Variants in NEGR1 observed in about 807,000 individuals in gnomAD.
NEGR1 encodes the protein IgLON family member 4.
In NEGR1, 10 loss-of-function variants were observed where a neutral mutation model predicts 40.9. That is an observed-to-expected ratio of 0.24 (90% CI 0.15 to 0.42). The LOEUF (loss-of-function observed/expected upper bound fraction) is 0.42, where lower values mean the gene tolerates loss of function less well. NEGR1 is among the 10% of genes least tolerant of loss of function. NEGR1 has a pLI of 1.00. For synonymous variants in NEGR1, 185 were observed against 166.8 expected (o/e 1.11, Z -0.84); for missense variants, 352 against 438.9 (o/e 0.80, Z 1.77).
chr1:71,859,974 A>G (rs1335312052), intron 2 of NEGR1, among the ~76,000 whole-genome samples: 1 of 152,082 alleles, frequency 6.6e-6, no homozygotes, highest in Non-Finnish European at 1.5e-5. Context: ...ACCATCTGCC[A>G]TACTCACAAT....
intron 1 of NEGR1, among the ~76,000 whole-genome samples, chr1:72,276,340 T>G (rs531527004): frequency 6.6e-6 from 1 of 152,136 alleles, no homozygotes; most frequent in African/African-American, 2.4e-5. Flanking sequence ...TAAAGAAAGA[T>G]CTTTAATTTT....
At chr1:71,456,589 CG>C (rs1033837659) in intron 6 of NEGR1, among the ~76,000 whole-genome samples, 1 of 152,112 alleles carries the variant, frequency 6.6e-6, no homozygotes, top group African/African-American at 2.4e-5. Flanking sequence ...TTTTCTTCCC[CG>C]CAATGGCTGG....
intron 1 of NEGR1, among the ~76,000 whole-genome samples, chr1:71,953,721 AC>A (rs2100279667): frequency 6.6e-6 from 1 of 152,006 alleles, no homozygotes; most frequent in South Asian, 2.1e-4. Context: ...TGCAACCACC[AC>A]TCTGACCAGT....
chr1:71,793,552 G>T (rs1657207471), intron 2 of NEGR1, among the ~76,000 whole-genome samples: 4 of 151,846 alleles, frequency 2.6e-5, no homozygotes, highest in Admixed American at 2.6e-4. Context: ...AAAATAAAAT[G>T]AGGAAAATAT....
At chr1:71,583,781 T>G (rs28462267) in intron 6 of NEGR1, among the ~76,000 whole-genome samples, 1 of 152,194 alleles carries the variant, frequency 6.6e-6, no homozygotes, top group Non-Finnish European at 1.5e-5. Flanking sequence ...TTAGAAAACT[T>G]GGAATTCATT....
At chr1:71,522,633 ATTAC>A (rs1044442644) in intron 6 of NEGR1, among the ~76,000 whole-genome samples, 2 of 151,712 alleles carry the variant, frequency 1.3e-5, no homozygotes, top group Non-Finnish European at 2.9e-5. Flanking sequence ...GTAATCAGAA[ATTAC>A]TTACTCATGG....
At chr1:71,983,033 C>G (rs1000934205) in intron 1 of NEGR1, among the ~76,000 whole-genome samples, 2 of 151,952 alleles carry the variant, frequency 1.3e-5, no homozygotes, top group Admixed American at 6.6e-5. Context: ...GCTGCACATG[C>G]TACCTGGATT....
chr1:71,734,909 C>T (rs2101668663), intron 3 of NEGR1, among the ~76,000 whole-genome samples: 1 of 151,780 alleles, frequency 6.6e-6, no homozygotes, highest in East Asian at 1.9e-4. Context: ...GTTACCTTAA[C>T]TTTTTTTTCC....
chr1:71,562,270 T>C (rs1386112608), intron 6 of NEGR1, among the ~76,000 whole-genome samples: 3 of 151,868 alleles, frequency 2.0e-5, no homozygotes, highest in African/African-American at 7.2e-5. Flanking sequence ...TCTGTCACTA[T>C]CTTGATAACT....
chr1:71,635,723 A>G (rs1651125540), intron 4 of NEGR1, among the ~76,000 whole-genome samples: 1 of 152,086 alleles, frequency 6.6e-6, no homozygotes, highest in African/African-American at 2.4e-5. Flanking sequence ...TCAATATCAA[A>G]TGAAGAGATA....
At chr1:71,952,255 T>TAA (rs1364695399) in intron 1 of NEGR1, among the ~76,000 whole-genome samples, 4 of 151,908 alleles carry the variant, frequency 2.6e-5, no homozygotes, top group Non-Finnish European at 4.4e-5. Context: ...AATGTAAAGC[T>TAA]AAAGTTTTTA....
chr1:72,196,640 C>T (rs1278903903), intron 1 of NEGR1, among the ~76,000 whole-genome samples: 1 of 129,386 alleles, frequency 7.7e-6, no homozygotes, highest in Non-Finnish European at 1.7e-5. Context: ...CGTAGTGGCA[C>T]ATGCCTGTAA....
At chr1:71,615,078 T>G (rs943733445) in intron 4 of NEGR1, among the ~76,000 whole-genome samples, 5 of 152,186 alleles carry the variant, frequency 3.3e-5, no homozygotes, top group African/African-American at 1.2e-4. Flanking sequence ...GAGAAGATTC[T>G]CATGAGGCTA....
intron 2 of NEGR1, among the ~76,000 whole-genome samples, chr1:71,867,579 G>C (rs1159766756): frequency 1.3e-5 from 2 of 152,168 alleles, no homozygotes; most frequent in Admixed American, 6.6e-5. Flanking sequence ...TTTGGTGTTT[G>C]AGAGACTGAT....
intron 4 of NEGR1, among the ~76,000 whole-genome samples, chr1:71,633,811 T>C (rs914536256): frequency 1.3e-5 from 2 of 152,086 alleles, no homozygotes; most frequent in African/African-American, 4.8e-5. Flanking sequence ...AGTGTCTCCC[T>C]GGAGGAAGTT....
At chr1:71,734,909 CT>C (rs11404278) in intron 3 of NEGR1, among the ~76,000 whole-genome samples, 2 of 151,662 alleles carry the variant, frequency 1.3e-5, no homozygotes, top group African/African-American at 2.4e-5. Context: ...GTTACCTTAA[CT>C]TTTTTTTCCC....
At chr1:71,966,656 G>A (rs1295723313) in intron 1 of NEGR1, among the ~76,000 whole-genome samples, 2 of 152,114 alleles carry the variant, frequency 1.3e-5, no homozygotes, top group Non-Finnish European at 2.9e-5. Flanking sequence ...GAAGTGCATA[G>A]AAGATCTCAA....
intron 1 of NEGR1, among the ~76,000 whole-genome samples, chr1:72,264,637 T>A (rs1279988661): frequency 6.6e-6 from 1 of 150,702 alleles, no homozygotes; most frequent in Non-Finnish European, 1.5e-5. Flanking sequence ...AACATATATA[T>A]GGAAACTAAA....
chr1:71,983,433 A>AT (rs1165883507), intron 1 of NEGR1, among the ~76,000 whole-genome samples: 8 of 152,006 alleles, frequency 5.3e-5, no homozygotes, highest in East Asian at 3.9e-4. Context: ...ATAAAATAGA[A>AT]TTTTTTTTCT....
Sources: gnomAD v4.1 joint callset for allele counts (sites outside exome capture counted in the v4.1 genomes callset) on GRCh38, gnomAD v4.1.1 for gene constraint, MANE v1.5 for transcripts, NCBI Gene and HGNC (gene_info 2026-07-23, HGNC 2026-07-21) for gene names.